FSTL5: variants seen among roughly 807,000 people sequenced by gnomAD.
FSTL5 encodes the protein follistatin-related protein 5.
Under a neutral mutation model 89.1 loss-of-function variants are expected in FSTL5, and 62 were observed. The ratio of observed to expected loss-of-function variants is 0.70; its 90% confidence interval spans 0.57 to 0.86. The LOEUF is 0.86. Ranked by LOEUF, FSTL5 falls within the 40% of genes least tolerant of loss-of-function variation. The pLI, the probability that FSTL5 is intolerant of heterozygous loss-of-function variation, is 0.00. For missense variants in FSTL5, 1,057 were observed against 1,001.6 expected (o/e 1.06, Z -0.75); for synonymous variants, 383 against 346.2 (o/e 1.11, Z -1.18).
chr4:161,669,534 A>T (rs1288465425), intron 6 of FSTL5, among the ~76,000 whole-genome samples: 1 of 152,170 alleles, frequency 6.6e-6, no homozygotes, highest in Non-Finnish European at 1.5e-5. Context: ...ATGACAATGC[A>T]AGGTAGAAAA....
At chr4:161,862,080 CG>C (rs1218570115) in intron 4 of FSTL5, among the ~76,000 whole-genome samples, 1 of 152,004 alleles carries the variant, frequency 6.6e-6, no homozygotes, top group East Asian at 1.9e-4. Context: ...TTTAATAAAC[CG>C]TAGAAAAACA....
intron 2 of FSTL5, among the ~76,000 whole-genome samples, chr4:162,084,494 T>G (rs1436918541): frequency 6.6e-6 from 1 of 152,186 alleles, no homozygotes; most frequent in Non-Finnish European, 1.5e-5. Context: ...TGCAGCACTA[T>G]TCACAATAGT....
rs532990057 is a variant in FSTL5 at position 161,591,360 on chromosome 4, A to T, written c.895-3785T>A. On this transcript the variant is annotated intron_variant, in intron 7 of 15. Transcript: ENST00000306100. ...TAAGTCTGAAGTCCTTTTTGGAGGG[A>T]TGAAAATATTCTAAACTTCGACAGC... Among the ~76,000 whole-genome samples the T allele has an allele frequency of 3.2e-4, 48 of 152,308 alleles. 1 individual carries two copies. Among genetic ancestry groups the T allele is most frequent in the Non-Finnish European group, 2.5e-4 (17 of 68,030 alleles).
chr4:161,807,013 G>A (rs1250210297), intron 4 of FSTL5, among the ~76,000 whole-genome samples: 2 of 152,082 alleles, frequency 1.3e-5, no homozygotes, highest in African/African-American at 4.8e-5. Flanking sequence ...ACAGTAATGA[G>A]TAAAGTATAT....
intron 8 of FSTL5, chr4:161,552,603 A>G (rs534145286): frequency 6.6e-6 from 1 of 151,802 alleles, no homozygotes; most frequent in Non-Finnish European, 1.5e-5. Context: ...AAAGAAAACT[A>G]GTGAATAATA....
chr4:161,544,772 A>G (rs189788210), intron 8 of FSTL5, among the ~76,000 whole-genome samples: 96 of 152,136 alleles, frequency 6.3e-4, no homozygotes, highest in Non-Finnish European at 1.2e-3. Flanking sequence ...GTTATAAAGT[A>G]TATTACTAAG....
At chr4:162,089,641 A>AAT (rs1730461921) in intron 2 of FSTL5, among the ~76,000 whole-genome samples, 1 of 122,322 alleles carries the variant, frequency 8.2e-6, no homozygotes, top group Non-Finnish European at 1.8e-5. Flanking sequence ...TCAAAAAAAA[A>AAT]AAAAAAAAAG....
chr4:161,413,486 T>C (rs1731667942), intron 15 of FSTL5, among the ~76,000 whole-genome samples: 2 of 152,076 alleles, frequency 1.3e-5, no homozygotes, highest in Non-Finnish European at 2.9e-5. Flanking sequence ...GAATGTAAAT[T>C]AGTCCAGCCA....
chr4:161,775,141 T>C (rs757485007), intron 5 of FSTL5, among the ~76,000 whole-genome samples: 1 of 152,052 alleles, frequency 6.6e-6, no homozygotes, highest in African/African-American at 2.4e-5. Context: ...AAAAAATGAA[T>C]AGCATATTAT....
At chr4:161,475,921 T>C (rs1406921114) in intron 13 of FSTL5, among the ~76,000 whole-genome samples, 2 of 151,090 alleles carry the variant, frequency 1.3e-5, no homozygotes, top group African/African-American at 4.9e-5. Context: ...AGCTAATTTT[T>C]ATTTTGTATT....
At chr4:161,878,254 C>T (rs951192919) in intron 4 of FSTL5, among the ~76,000 whole-genome samples, 1 of 151,986 alleles carries the variant, frequency 6.6e-6, no homozygotes, top group Non-Finnish European at 1.5e-5. Flanking sequence ...TTTGTACTTC[C>T]GTAACCACGA....
intron 9 of FSTL5, among the ~76,000 whole-genome samples, chr4:161,540,182 A>C (rs534901184): frequency 1.3e-5 from 2 of 152,102 alleles, no homozygotes. Context: ...AAGCTAACCC[A>C]TCTCTGCATC....
At chr4:161,455,625 G>A (rs1044045997) in intron 14 of FSTL5, among the ~76,000 whole-genome samples, 5 of 151,746 alleles carry the variant, frequency 3.3e-5, no homozygotes, top group Non-Finnish European at 7.4e-5. Context: ...AAAAATAACC[G>A]GTTTACGTGT....
At chr4:161,663,717 C>T (rs1736793247) in intron 6 of FSTL5, among the ~76,000 whole-genome samples, 1 of 152,208 alleles carries the variant, frequency 6.6e-6, no homozygotes, top group East Asian at 1.9e-4. Flanking sequence ...CCTACAGCTC[C>T]ACTAGGCAGT....
chr4:161,845,607 AG>A (rs1579136313), intron 4 of FSTL5, among the ~76,000 whole-genome samples: 1 of 152,226 alleles, frequency 6.6e-6, no homozygotes, highest in African/African-American at 2.4e-5. Flanking sequence ...ATTACAAAGA[AG>A]CTCAAGACAT....
At chr4:162,041,499 C>T (rs925096785) in intron 2 of FSTL5, among the ~76,000 whole-genome samples, 2 of 152,014 alleles carry the variant, frequency 1.3e-5, no homozygotes, top group Non-Finnish European at 2.9e-5. Context: ...ATATATAACA[C>T]AATCTGGAAA....
At chr4:161,909,991 T>C (rs1733645265) in intron 4 of FSTL5, among the ~76,000 whole-genome samples, 1 of 152,192 alleles carries the variant, frequency 6.6e-6, no homozygotes, top group South Asian at 2.1e-4. Context: ...ATAAAAAATC[T>C]CTAATGAGCT....
intron 6 of FSTL5, among the ~76,000 whole-genome samples, chr4:161,726,227 C>CTTTTTTTTTTTTTTTTTTTTT (rs5863477): frequency 8.8e-6 from 1 of 113,678 alleles, no homozygotes; most frequent in Admixed American, 1.1e-4. Flanking sequence ...TTTTCTTTTT[C>CTTTTTTTTTTTTTTTTTTTTT]TTTTTTTTTT....
rs139603749 is a variant in FSTL5, at chr4:161,445,594, T to C, written c.1841+9410A>G. On this transcript the variant is annotated intron_variant, in intron 15 of 15. Transcript: ENST00000306100. The stretch of plus-strand genomic sequence containing the variant: ...TCAAGTATTTTAAAATATTAAAAGA[T>C]GTTAAAACAGATTAATTTCAAATTT... Among the ~76,000 whole-genome samples, 5 of 152,102 alleles carry C rather than the reference T, an allele frequency of 3.3e-5. No homozygotes were observed. In the East Asian group the frequency reaches 9.7e-4, roughly 29 times the overall value.
Sources: allele counts gnomAD v4.1 joint callset (sites outside exome capture counted in the v4.1 genomes callset), GRCh38; gene constraint gnomAD v4.1.1; transcripts MANE v1.5; gene names NCBI Gene and HGNC (gene_info 2026-07-23, HGNC 2026-07-21).